Variants in GGA3 observed in about 807,000 individuals in gnomAD.
GGA3 encodes the protein golgi associated, gamma adaptin ear containing, ARF binding protein 3, also known as ADP-ribosylation factor-binding protein GGA3.
Under a neutral mutation model 77.5 loss-of-function variants are expected in GGA3, and 57 were observed. The observed-to-expected ratio is 0.74, with a 90% CI of 0.59 to 0.92. The LOEUF (loss-of-function observed/expected upper bound fraction) is 0.92, where lower values mean the gene tolerates loss of function less well. Ranked by LOEUF, GGA3 falls within the 40% of genes least tolerant of loss-of-function variation. The pLI is 0.00. For synonymous variants in GGA3, 416 were observed against 383.7 expected (o/e 1.08, Z -0.98); for missense variants, 970 against 914.9 (o/e 1.06, Z -0.78).
Position 75,242,398 on chromosome 17 carries a change from T to C in GGA3, c.685A>G (p.Ser229Gly). ...TGGCTGTAATGAAGCAGCATCTCAC[T>C]GAGCAGTCTCACGTTGTTGTTAACT... is the stretch of plus-strand genomic sequence containing the variant. Reference protein sequence around the residue: ...EEVNNNVRLLSEMLLHYSQED... With the variant: ...EEVNNNVRLLGEMLLHYSQED... The change falls in exon 8 of 17, where the codon AGT becomes GGT. Residue 229 changes from serine (S) to glycine (G), a missense_variant. Ser to Gly is a moderately conservative substitution (Grantham distance 56). Transcript: ENST00000537686. 2 of 1,614,162 alleles carry C rather than the reference T, an allele frequency of 1.2e-6. No individual in the cohort carries two copies. Among genetic ancestry groups the C allele is most frequent in the Non-Finnish European group, 1.7e-6 (2 of 1,179,962 alleles).
At chr17:75,257,609 C>G (rs1366346375) in intron 1 of GGA3, among the ~76,000 whole-genome samples, 1 of 147,638 alleles carries the variant, frequency 6.8e-6, no homozygotes, top group Non-Finnish European at 1.5e-5. Flanking sequence ...TCAATTCATA[C>G]AAAACCATAT....
At chr17:75,244,532 T>G in intron 4 of GGA3, 87 bp downstream of exon 4, 1 of 839,010 alleles carries the variant, frequency 1.2e-6, no homozygotes, top group South Asian at 1.4e-5. Context: ...CTGGAGATGT[T>G]GGATGGGCAG....
rs765502255 is a variant in GGA3, at chr17:75,243,505, G to A, written c.366C>T (p.Thr122=). Residue 122 remains threonine, a synonymous_variant, in exon 5 of 17, where the codon ACC becomes ACT. Transcript: ENST00000537686. The part of the protein sequence containing the change: ...TKVIELLYSW[T]MALPEEAKIK... ...TCTTTGCTTCTTCTGGCAGGGCCAT[G>A]GTCCAGCTGTACAGCAGCTCAATAA... The A allele has an allele frequency of 4.3e-6, 7 of 1,614,014 alleles. No homozygotes were observed. Among genetic ancestry groups the A allele is most frequent in the Middle Eastern group, 1.6e-4 (1 of 6,084 alleles).
intron 12 of GGA3, 82 bp from the exon 13 acceptor site, chr17:75,240,190 T>C: frequency 3.1e-6 from 4 of 1,279,272 alleles, no homozygotes; most frequent in Non-Finnish European, 1.1e-6. Flanking sequence ...CTCCAAGGAC[T>C]GCACGGAAGA....
At position 75,238,132 on chromosome 17, in the gene GGA3, G is replaced by A. The variant is rs776088333; in HGVS notation, c.*147C>T. ...GAGAGGTTATCACAGCAGCAGTTTG[G>A]TTCTCAGCAGAAATGCCCAGGGCCC... On this transcript the variant is annotated 3_prime_UTR_variant, in exon 17 of 17. Transcript: ENST00000537686. 1 of 1,437,048 alleles carries A rather than the reference G, an allele frequency of 7.0e-7. No individual in the cohort carries two copies. Among genetic ancestry groups the A allele is most frequent in the Admixed American group, 2.8e-5 (1 of 36,304 alleles). 89.0% of individuals were successfully genotyped at this position (1,437,048 alleles called of 1,614,324 possible). A position where few individuals can be genotyped will look rare whatever the true frequency, so the allele number is the denominator to read the frequency against.
intron 12 of GGA3, 46 bp from the exon 13 acceptor site, chr17:75,240,154 G>GGGGGGGGGGGGGGGGGGC: frequency 2.1e-6 from 1 of 465,520 alleles, no homozygotes; most frequent in Non-Finnish European, 4.2e-6. Context: ...GGTGGGGAGG[G>GGGGGGGGGGGGGGGGGGC]CCTGCCGCTG....
intron 1 of GGA3, among the ~76,000 whole-genome samples, chr17:75,257,592 T>C (rs1484392008): frequency 6.6e-6 from 1 of 152,020 alleles, no homozygotes; most frequent in East Asian, 1.9e-4. Context: ...TTATTCCACT[T>C]AGTTTTTCAA....
Position 75,242,349 on chromosome 17 carries a change from C to G in GGA3, c.734G>C (p.Arg245Thr). The stretch of plus-strand genomic sequence containing the variant: ...CGGCGGTCCCACCTTCATCAGCTCT[C>G]TGTCCCCGTCCGAAGAGTCCTCCTG... ...YSQEDSSDGD[R>T]ELMKELFDQC... Residue 245 changes from arginine (R) to threonine (T), a missense_variant, in exon 8 of 17, where the codon AGA becomes ACA. By Grantham distance (71) the Arg-to-Thr change is moderately conservative (BLOSUM62 -1). Coordinates refer to ENST00000537686, the MANE Select transcript of GGA3 (RefSeq NM_138619.4). 6.2e-7 allele frequency: 1 copy of G among 1,614,238 alleles called. No individual in the cohort carries two copies. The highest frequency in any genetic ancestry group is 1.1e-5 in the South Asian group (1 of 91,090).
intron 7 of GGA3, 40 bp from the exon 8 acceptor site, chr17:75,242,513 T>C (rs1343681069): frequency 1.2e-6 from 2 of 1,612,400 alleles, no homozygotes. Flanking sequence ...AGAGCGTCAC[T>C]TGACTGTCTT....
At chr17:75,251,806 CTG>C (rs1201268108) in intron 1 of GGA3, among the ~76,000 whole-genome samples, 1 of 149,620 alleles carries the variant, frequency 6.7e-6, no homozygotes. Context: ...GGGTCTCACT[CTG>C]TCACTCAGGC....
intron 1 of GGA3, among the ~76,000 whole-genome samples, chr17:75,252,918 A>G (rs943543406): frequency 1.6e-4 from 25 of 152,318 alleles, no homozygotes; most frequent in East Asian, 1.2e-3. Flanking sequence ...AAAACCTATA[A>G]GAACTAATGA....
At chr17:75,246,035 A>G (rs188818171) in intron 3 of GGA3, among the ~76,000 whole-genome samples, 1 of 152,318 alleles carries the variant, frequency 6.6e-6, no homozygotes, top group East Asian at 1.9e-4. Context: ...CTCAGTCTGA[A>G]CAGACACCAG....
At chr17:75,259,230 A>G (rs3826326) in intron 1 of GGA3, among the ~76,000 whole-genome samples, 19,868 of 152,150 alleles carry the variant, frequency 0.13, 2,035 homozygotes, top group East Asian at 0.48. Flanking sequence ...CTGGGATTAC[A>G]GGAGAGTTCT....
chr17:75,243,006 T>G (rs1157083379), intron 6 of GGA3, 57 bp downstream of exon 6: 1 of 1,502,248 alleles, frequency 6.7e-7, no homozygotes, highest in Non-Finnish European at 9.3e-7. Flanking sequence ...CAAACCACAT[T>G]CCCCTGCTGC....
rs538803633 is a variant in GGA3, at chr17:75,255,225, C to T, written c.40+6323G>A. On this transcript the variant is annotated intron_variant, in intron 1 of 16. Coordinates refer to ENST00000537686, the MANE Select transcript of GGA3 (RefSeq NM_138619.4). The stretch of plus-strand genomic sequence containing the variant: ...CCTCCATAACTGTTGTGGGTATTGA[C>T]AGCCAGGCTTCTAAACCTCTTAAAA... 8.5e-5 allele frequency among the ~76,000 whole-genome samples: 13 copies of T among 152,208 alleles called. No homozygotes were observed. In the South Asian group the frequency reaches 2.7e-3, roughly 32 times the overall value.
At chr17:75,246,883 A>C in intron 1 of GGA3, 87 bp from the exon 2 acceptor site, 1 of 1,029,440 alleles carries the variant, frequency 9.7e-7, no homozygotes, top group Non-Finnish European at 1.5e-6. Flanking sequence ...TTAAGCACTA[A>C]GAGTTTGCTT....
chr17:75,246,423 G>A (rs774226694), intron 3 of GGA3, 86 bp downstream of exon 3: 4 of 878,154 alleles, frequency 4.6e-6, no homozygotes, highest in South Asian at 4.1e-5. Flanking sequence ...TTTGGCAGGA[G>A]CCCTAAGAAC....
At chr17:75,262,015 G>C, upstream of GGA3, 1 of 1,599,358 alleles carries the variant, frequency 6.3e-7, no homozygotes, top group Non-Finnish European at 8.5e-7. Context: ...GCGGGGGGGC[G>C]CTGCGAGGAA....
At chr17:75,261,442 G>A (rs778203849) in intron 1 of GGA3, 106 bp downstream of exon 1, 5 of 878,612 alleles carry the variant, frequency 5.7e-6, no homozygotes, top group East Asian at 3.2e-5. Context: ...GACCGGGCGT[G>A]GGCTGCCAAG....
Sources: allele counts gnomAD v4.1 joint callset (sites outside exome capture counted in the v4.1 genomes callset), GRCh38; gene constraint gnomAD v4.1.1; transcripts MANE v1.5; gene names NCBI Gene and HGNC (gene_info 2026-07-23, HGNC 2026-07-21).